The following MARCHF1 variants were observed in gnomAD, a reference collection of about 807,000 sequenced individuals.
MARCHF1 encodes the protein membrane associated ring-CH-type finger 1.
Under a neutral mutation model 54.2 loss-of-function variants are expected in MARCHF1, and 40 were observed. That is an observed-to-expected ratio of 0.74 (90% CI 0.57 to 0.96). MARCHF1 has a LOEUF of 0.96. MARCHF1 is among the 40% of genes least tolerant of loss of function. The pLI is 0.00. For synonymous variants in MARCHF1, 236 were observed against 236.3 expected (o/e 1.00, Z 0.01); for missense variants, 586 against 656.5 (o/e 0.89, Z 1.17).
intron 3 of MARCHF1, among the ~76,000 whole-genome samples, chr4:163,939,100 AC>A (rs1011289532): frequency 1.3e-5 from 2 of 152,160 alleles, no homozygotes; most frequent in Non-Finnish European, 2.9e-5. Context: ...GTAGGTAGAG[AC>A]TTTATATTTG....
At chr4:163,670,515 A>C (rs1212569356) in intron 5 of MARCHF1, among the ~76,000 whole-genome samples, 2 of 151,518 alleles carry the variant, frequency 1.3e-5, no homozygotes, top group Non-Finnish European at 2.9e-5. Flanking sequence ...TACTTTGTAC[A>C]TTGTTTTCAT....
At chr4:163,986,244 C>CTCT (rs202115649) in intron 3 of MARCHF1, among the ~76,000 whole-genome samples, 73 of 42,468 alleles carry the variant, frequency 1.7e-3, no homozygotes, top group Admixed American at 4.0e-3. Context: ...CCTAATTAAC[C>CTCT]TCTTCTTTTT....
At chr4:164,150,990 G>A (rs971272849) in intron 1 of MARCHF1, among the ~76,000 whole-genome samples, 5 of 152,082 alleles carry the variant, frequency 3.3e-5, no homozygotes, top group Admixed American at 6.6e-5. Context: ...AGAAAGTCTC[G>A]ACTGGCCATT....
chr4:163,698,170 T>C (rs1744693993), intron 5 of MARCHF1, among the ~76,000 whole-genome samples: 1 of 152,192 alleles, frequency 6.6e-6, no homozygotes, highest in African/African-American at 2.4e-5. Context: ...CTGATTCTCA[T>C]ACACTAGAAA....
intron 4 of MARCHF1, among the ~76,000 whole-genome samples, chr4:163,814,506 C>T (rs890653090): frequency 6.6e-6 from 1 of 152,152 alleles, no homozygotes; most frequent in Non-Finnish European, 1.5e-5. Context: ...ATCGCCTGAA[C>T]CCAGGAGGCA....
chr4:163,911,017 A>G (rs889034877), intron 3 of MARCHF1, among the ~76,000 whole-genome samples: 1 of 152,176 alleles, frequency 6.6e-6, no homozygotes, highest in African/African-American at 2.4e-5. Flanking sequence ...ACTGTGGGGG[A>G]AAATGTCATT....
At chr4:163,534,277 A>G (rs1738458185) in intron 9 of MARCHF1, among the ~76,000 whole-genome samples, 1 of 152,050 alleles carries the variant, frequency 6.6e-6, no homozygotes, top group African/African-American at 2.4e-5. Flanking sequence ...CTAACACCAC[A>G]ATCTAGGTCA....
chr4:163,595,834 C>T (rs1307904807), intron 7 of MARCHF1, among the ~76,000 whole-genome samples: 2 of 151,994 alleles, frequency 1.3e-5, no homozygotes, highest in Non-Finnish European at 2.9e-5. Flanking sequence ...ATCTGCTGTA[C>T]AACACTGTGC....
chr4:163,564,523 A>G (rs1216684407), intron 8 of MARCHF1, among the ~76,000 whole-genome samples: 1 of 152,238 alleles, frequency 6.6e-6, no homozygotes, highest in Non-Finnish European at 1.5e-5. Flanking sequence ...TTTAGGAATC[A>G]TGAAATGAAA....
Position 163,528,580 on chromosome 4 carries a change from T to C in MARCHF1, c.*168A>G. 1 of 611,282 alleles carries C rather than the reference T, an allele frequency of 1.6e-6. No homozygotes were observed. Among genetic ancestry groups the C allele is most frequent in the Middle Eastern group, 4.6e-4 (1 of 2,188 alleles). The allele number at this position is 611,282 out of a possible 1,614,324, so 37.9% of individuals were successfully genotyped here. On this transcript the variant is annotated 3_prime_UTR_variant, in exon 10 of 10. Transcript: ENST00000514618. ...ATTACTTCATGGGCTCCTGGGCATTTGGTCTGTTTGTTTTTCTCCTTTCCT... is the reference window on the plus strand; with the variant it reads ...ATTACTTCATGGGCTCCTGGGCATTCGGTCTGTTTGTTTTTCTCCTTTCCT...
chr4:163,555,074 C>T (rs761061699), intron 8 of MARCHF1, among the ~76,000 whole-genome samples: 7 of 151,920 alleles, frequency 4.6e-5, no homozygotes, highest in South Asian at 2.1e-4. Flanking sequence ...AATGATATCA[C>T]GCATAATGAT....
At chr4:164,321,742 C>T (rs963263822) in intron 1 of MARCHF1, among the ~76,000 whole-genome samples, 11 of 151,892 alleles carry the variant, frequency 7.2e-5, no homozygotes, top group African/African-American at 1.7e-4. Flanking sequence ...ACTTTTCAAA[C>T]GATAGCACAA....
Position 164,272,140 on chromosome 4 carries a change from C to A in MARCHF1, c.-323+111730G>T, listed in dbSNP as rs9799824. Reference sequence around the variant, plus strand: ...GTCTAAAAGTAATAATTAACAGAGACGGGAAGTAACAGAAAATCTCGTCCA... The same window carrying A: ...GTCTAAAAGTAATAATTAACAGAGAAGGGAAGTAACAGAAAATCTCGTCCA... On this transcript the variant is annotated intron_variant, in intron 1 of 9. Transcript: ENST00000514618. 7.3e-5 allele frequency among the ~76,000 whole-genome samples: 11 copies of A among 151,654 alleles called. 1 individual carries two copies. The South Asian group carries it at 1.5e-3, about 20-fold the overall frequency.
At chr4:163,723,466 T>C (rs980785962) in intron 4 of MARCHF1, among the ~76,000 whole-genome samples, 1 of 152,230 alleles carries the variant, frequency 6.6e-6, no homozygotes, top group African/African-American at 2.4e-5. Context: ...ATTTTTTCCT[T>C]CATTTCAACT....
At chr4:163,730,789 A>G (rs1187586248) in intron 4 of MARCHF1, among the ~76,000 whole-genome samples, 1 of 152,042 alleles carries the variant, frequency 6.6e-6, no homozygotes, top group Non-Finnish European at 1.5e-5. Context: ...TCCACATCCA[A>G]AGAGTATGAA....
At chr4:164,088,024 A>T (rs1755225930) in intron 2 of MARCHF1, among the ~76,000 whole-genome samples, 2 of 152,038 alleles carry the variant, frequency 1.3e-5, no homozygotes, top group African/African-American at 4.8e-5. Context: ...CTTCATACAT[A>T]TGAATGAGTA....
intron 8 of MARCHF1, among the ~76,000 whole-genome samples, chr4:163,573,166 C>G (rs1198618172): frequency 6.6e-6 from 1 of 151,980 alleles, no homozygotes; most frequent in African/African-American, 2.4e-5. Context: ...TATCCTGACA[C>G]TTTACTGAAG....
At chr4:164,302,689 C>G (rs1734593065) in intron 1 of MARCHF1, among the ~76,000 whole-genome samples, 1 of 151,748 alleles carries the variant, frequency 6.6e-6, no homozygotes, top group African/African-American at 2.4e-5. Flanking sequence ...ATAAACCTGG[C>G]AAACATGGCA....
Position 163,933,085 on chromosome 4 carries a change from C to T in MARCHF1, c.-39+55416G>A, listed in dbSNP as rs977493523. ...CTTAATAACCCAGAGCTTGCCTGCA[C>T]GCTGGCTAAAACGGCTTTTGATGAG... On this transcript the variant is annotated intron_variant, in intron 3 of 9. Transcript: ENST00000514618. 6.7e-5 allele frequency: 99 copies of T among 1,468,630 alleles called. No homozygotes were observed. In the African/African-American group the frequency reaches 8.0e-4, roughly 12 times the overall value. The allele number at this position is 1,468,630 out of a possible 1,614,324, so 91.0% of individuals were successfully genotyped here.
Sources: gnomAD v4.1 joint callset for allele counts (sites outside exome capture counted in the v4.1 genomes callset) on GRCh38, gnomAD v4.1.1 for gene constraint, MANE v1.5 for transcripts, NCBI Gene and HGNC (gene_info 2026-07-23, HGNC 2026-07-21) for gene names.